DPP6: variants seen among roughly 807,000 people sequenced by gnomAD.
DPP6 encodes dipeptidyl peptidase like 6.
A neutral mutation model predicts 122.6 loss-of-function variants in DPP6; 69 were observed. That is an observed-to-expected ratio of 0.56 (90% confidence interval 0.46 to 0.69). DPP6 has a LOEUF of 0.69. Among genes scored for constraint, DPP6 ranks in the 30% least tolerant of loss-of-function variants. The pLI, the probability that DPP6 is intolerant of heterozygous loss-of-function variation, is 0.00. For synonymous variants in DPP6, 418 were observed against 433.1 expected (o/e 0.97, Z 0.43); for missense variants, 928 against 1,116.9 (o/e 0.83, Z 2.41).
chr7:153,799,363 G>A, the DPP6 span, among the ~76,000 whole-genome samples: 4 of 152,146 alleles, frequency 2.6e-5, no homozygotes, highest in African/African-American at 9.7e-5. Flanking sequence ...TAAGGAATTT[G>A]TACGATGAAG....
intron 1 of DPP6, among the ~76,000 whole-genome samples, chr7:153,924,052 A>G (rs963387628): frequency 2.6e-5 from 4 of 152,086 alleles, no homozygotes; most frequent in African/African-American, 9.7e-5. Flanking sequence ...TGAGCTGGTT[A>G]TGCAGTCTCT....
chr7:154,601,523 A>G (rs1434661982), intron 5 of DPP6, among the ~76,000 whole-genome samples: 1 of 120,886 alleles, frequency 8.3e-6, no homozygotes, highest in East Asian at 3.6e-4. Flanking sequence ...TTTGATAATA[A>G]ACCATTGCAG....
intron 1 of DPP6, among the ~76,000 whole-genome samples, chr7:153,944,073 C>T (rs927845102): frequency 1.3e-5 from 2 of 152,162 alleles, no homozygotes; most frequent in Admixed American, 6.5e-5. Context: ...GAGGCTGCTG[C>T]TCCTGGTGTG....
chr7:153,962,929 G>A (rs969676065), intron 1 of DPP6, among the ~76,000 whole-genome samples: 1 of 151,984 alleles, frequency 6.6e-6, no homozygotes, highest in African/African-American at 2.4e-5. Flanking sequence ...TGCTTCACAC[G>A]CTAATACACA....
intron 16 of DPP6, among the ~76,000 whole-genome samples, chr7:154,837,320 T>C (rs1457946640): frequency 1.3e-5 from 2 of 149,972 alleles, no homozygotes; most frequent in African/African-American, 2.5e-5. Context: ...CACAAACACA[T>C]GCACACACAT....
chr7:154,001,828 C>G (rs1203689171), intron 1 of DPP6, among the ~76,000 whole-genome samples: 1 of 152,050 alleles, frequency 6.6e-6, no homozygotes, highest in Admixed American at 6.5e-5. Context: ...CACGTGATTT[C>G]CTTGTGTTCC....
chr7:153,916,034 T>G (rs1219839808), intron 1 of DPP6, among the ~76,000 whole-genome samples: 2 of 151,946 alleles, frequency 1.3e-5, no homozygotes, highest in African/African-American at 4.8e-5. Context: ...TGGCGCGATC[T>G]CTGCTCACTG....
chr7:154,575,007 GTGTT>G (rs1214560775), intron 5 of DPP6, among the ~76,000 whole-genome samples: 10 of 143,824 alleles, frequency 7.0e-5, no homozygotes, highest in Non-Finnish European at 1.5e-4. Flanking sequence ...TGGGGTGTGT[GTGTT>G]TGTGGGTGGT....
chr7:153,966,155 G>T (rs1206207846), intron 1 of DPP6, among the ~76,000 whole-genome samples: 1 of 119,852 alleles, frequency 8.3e-6, no homozygotes, highest in Non-Finnish European at 1.8e-5. Flanking sequence ...TCGTGGCGTT[G>T]AAAAGCTTCT....
the DPP6 span, among the ~76,000 whole-genome samples, chr7:153,879,739 C>A: frequency 6.6e-6 from 1 of 152,282 alleles, no homozygotes; most frequent in South Asian, 2.1e-4. Flanking sequence ...TTTTCTATAA[C>A]TCGTTGTAAA....
intron 16 of DPP6, among the ~76,000 whole-genome samples, chr7:154,829,791 T>C (rs1034723662): frequency 4.6e-5 from 7 of 152,094 alleles, no homozygotes; most frequent in African/African-American, 1.7e-4. Flanking sequence ...GCTTCCTCCA[T>C]CCTGCTCAAA....
At chr7:153,996,756 C>G (rs1239932479) in intron 1 of DPP6, among the ~76,000 whole-genome samples, 3 of 151,964 alleles carry the variant, frequency 2.0e-5, no homozygotes, top group African/African-American at 2.4e-5. Flanking sequence ...TTACAGTCTA[C>G]AAACAACAAA....
intron 1 of DPP6, among the ~76,000 whole-genome samples, chr7:154,091,310 C>T (rs1804816711): frequency 6.6e-6 from 1 of 152,132 alleles, no homozygotes; most frequent in Admixed American, 6.5e-5. Flanking sequence ...CTCAGGGGTG[C>T]AGGTAGAATC....
intron 1 of DPP6, among the ~76,000 whole-genome samples, chr7:154,279,214 G>T (rs1056551772): frequency 6.6e-6 from 1 of 152,038 alleles, no homozygotes; most frequent in African/African-American, 2.4e-5. Context: ...TGAGTATATG[G>T]TGTATGCATA....
chr7:154,117,965 G>T (rs1807120533), intron 1 of DPP6, among the ~76,000 whole-genome samples: 1 of 151,940 alleles, frequency 6.6e-6, no homozygotes, highest in Admixed American at 6.5e-5. Flanking sequence ...CTGCTTTAGG[G>T]CTGGAGCCTG....
chr7:154,262,490 G>A (rs1803093413), intron 1 of DPP6, among the ~76,000 whole-genome samples: 1 of 151,764 alleles, frequency 6.6e-6, no homozygotes, highest in Admixed American at 6.6e-5. Flanking sequence ...AAGCCAGGGA[G>A]AGAGGCCTCA....
intron 1 of DPP6, among the ~76,000 whole-genome samples, chr7:154,156,281 A>G (rs935618030): frequency 1.2e-4 from 19 of 152,268 alleles, no homozygotes; most frequent in Non-Finnish European, 4.4e-5. Context: ...TGGGTCCCAG[A>G]ACAGTGCTGG....
intron 3 of DPP6, among the ~76,000 whole-genome samples, chr7:154,515,990 G>T (rs1169874043): frequency 3.3e-5 from 5 of 152,142 alleles, no homozygotes; most frequent in Non-Finnish European, 7.4e-5. Flanking sequence ...AGTAAATTTT[G>T]CCAAATTCGA....
chr7:153,828,275 G>A, the DPP6 span, among the ~76,000 whole-genome samples: 1 of 152,186 alleles, frequency 6.6e-6, no homozygotes, highest in Admixed American at 6.5e-5. Flanking sequence ...CAGTGTGACT[G>A]TGGCATAGCA....
Sources: gnomAD v4.1 joint callset for allele counts (sites outside exome capture counted in the v4.1 genomes callset) on GRCh38, gnomAD v4.1.1 for gene constraint, MANE v1.5 for transcripts, NCBI Gene and HGNC (gene_info 2026-07-23, HGNC 2026-07-21) for gene names.